The following NCALD variants were observed in gnomAD, a reference collection of about 807,000 sequenced individuals.
NCALD encodes the protein neurocalcin delta, also known as neurocalcin-delta.
Under a neutral mutation model 18.6 loss-of-function variants are expected in NCALD, and 10 were observed. That is an observed-to-expected ratio of 0.54 (90% CI 0.33 to 0.91). The LOEUF is 0.91. Ranked by LOEUF, NCALD falls within the 40% of genes least tolerant of loss-of-function variation. The pLI is 0.03. For synonymous variants in NCALD, 88 were observed against 87.4 expected (o/e 1.01, Z -0.04); for missense variants, 184 against 247.6 (o/e 0.74, Z 1.72).
intron 2 of NCALD, among the ~76,000 whole-genome samples, chr8:101,922,883 T>G (rs1818215041): frequency 6.6e-6 from 1 of 152,210 alleles, no homozygotes; most frequent in African/African-American, 2.4e-5. Flanking sequence ...AGAATAACTG[T>G]AACACTATAC....
intron 1 of NCALD, among the ~76,000 whole-genome samples, chr8:102,050,194 A>AAAAAAAT (rs1207268297): frequency 8.0e-6 from 1 of 125,526 alleles, no homozygotes; most frequent in Non-Finnish European, 1.8e-5. Flanking sequence ...AAAAAAAAAA[A>AAAAAAAT]ATTGAGCTGT....
intron 1 of NCALD, among the ~76,000 whole-genome samples, chr8:102,039,840 G>A (rs115407429): frequency 9.2e-5 from 14 of 152,052 alleles, no homozygotes; most frequent in African/African-American, 1.2e-4. Context: ...CAGTTCCCAC[G>A]TGACCTGGCA....
intron 4 of NCALD, among the ~76,000 whole-genome samples, chr8:101,804,574 A>T (rs1433014218): frequency 8.2e-6 from 1 of 121,896 alleles, no homozygotes; most frequent in Non-Finnish European, 1.6e-5. Context: ...TATAATTAAT[A>T]TAATTAATTA....
At chr8:102,008,204 G>A (rs2387330) in intron 2 of NCALD, among the ~76,000 whole-genome samples, 94,789 of 151,862 alleles carry the variant, frequency 0.62, 30,967 homozygotes, top group African/African-American at 0.81. Flanking sequence ...TAAATAAGAG[G>A]ACCTCCACCT....
chr8:101,773,790 T>C (rs1284257598), intron 1 of NCALD, among the ~76,000 whole-genome samples: 1 of 152,108 alleles, frequency 6.6e-6, no homozygotes, highest in Non-Finnish European at 1.5e-5. Context: ...CCTATGTACC[T>C]CCCATTGAGG....
At chr8:101,785,708 A>C (rs1812197802) in intron 1 of NCALD, 1 of 152,202 alleles carries the variant, frequency 6.6e-6, no homozygotes, top group Non-Finnish European at 1.5e-5. Context: ...CTTTCATAAA[A>C]TACAATGGTT....
chr8:101,781,679 A>G (rs1229415955), intron 1 of NCALD, among the ~76,000 whole-genome samples: 1 of 152,226 alleles, frequency 6.6e-6, no homozygotes, highest in Non-Finnish European at 1.5e-5. Context: ...CCTTAGGGAC[A>G]GTACTAATCT....
At chr8:101,692,407 C>G (rs775328062) in intron 3 of NCALD, 2 of 985,246 alleles carry the variant, frequency 2.0e-6, no homozygotes, top group Non-Finnish European at 2.4e-6. Flanking sequence ...GGTAGGATCA[C>G]AGAATAACAA....
chr8:101,734,177 T>C (rs1816971827), intron 1 of NCALD, among the ~76,000 whole-genome samples: 1 of 152,182 alleles, frequency 6.6e-6, no homozygotes, highest in Admixed American at 6.5e-5. Flanking sequence ...AGATCTGTTC[T>C]TCACTCGGCA....
intron 1 of NCALD, among the ~76,000 whole-genome samples, chr8:101,757,321 T>C (rs79608412): frequency 6.6e-6 from 1 of 152,226 alleles, no homozygotes. Flanking sequence ...CAAGGTGCTA[T>C]GGCAAGCCAT....
At chr8:102,066,382 T>A (rs1039161825) in intron 1 of NCALD, among the ~76,000 whole-genome samples, 2 of 152,216 alleles carry the variant, frequency 1.3e-5, no homozygotes, top group African/African-American at 4.8e-5. Context: ...TCTAATACCA[T>A]CTAGCAGTTA....
intron 2 of NCALD, among the ~76,000 whole-genome samples, chr8:101,700,188 G>A (rs988168387): frequency 6.6e-6 from 1 of 151,962 alleles, no homozygotes; most frequent in South Asian, 2.1e-4. Context: ...AGCCTCCTGA[G>A]TTGCTGGGAC....
intron 2 of NCALD, among the ~76,000 whole-genome samples, chr8:101,713,178 G>A (rs192092627): frequency 6.6e-6 from 1 of 152,252 alleles, no homozygotes; most frequent in East Asian, 1.9e-4. Flanking sequence ...TGAATGACTA[G>A]TGGGTAAATA....
chr8:102,073,323 C>T (rs920685124), intron 1 of NCALD, among the ~76,000 whole-genome samples: 1 of 151,894 alleles, frequency 6.6e-6, no homozygotes, highest in East Asian at 1.9e-4. Context: ...TAAAATATCA[C>T]CCTTTTATAA....
At chr8:101,982,454 C>A (rs181767816) in intron 2 of NCALD, among the ~76,000 whole-genome samples, 3 of 152,306 alleles carry the variant, frequency 2.0e-5, no homozygotes, top group African/African-American at 7.2e-5. Flanking sequence ...ATACTATGAA[C>A]CTACCTTGTA....
At chr8:101,920,863 C>A (rs1818139532) in intron 2 of NCALD, among the ~76,000 whole-genome samples, 1 of 152,174 alleles carries the variant, frequency 6.6e-6, no homozygotes, top group South Asian at 2.1e-4. Flanking sequence ...GCACATATAC[C>A]CACTGAATCT....
intron 2 of NCALD, among the ~76,000 whole-genome samples, chr8:101,982,480 T>C (rs1015558623): frequency 6.6e-6 from 1 of 152,202 alleles, no homozygotes; most frequent in Admixed American, 6.5e-5. Context: ...AAAGCCACTG[T>C]GCAAGAAGTT....
chr8:102,013,605 TTCTCTGGCTAC>T (rs1173458542), intron 2 of NCALD, among the ~76,000 whole-genome samples: 1 of 152,176 alleles, frequency 6.6e-6, no homozygotes, highest in Non-Finnish European at 1.5e-5. Context: ...CCTCGTGCCC[TTCTCTGGCTAC>T]CTGCTTGGAA....
chr8:101,825,298 C>T (rs186886716), intron 4 of NCALD, among the ~76,000 whole-genome samples: 2 of 152,352 alleles, frequency 1.3e-5, no homozygotes, highest in Admixed American at 6.5e-5. Context: ...TGAGGAAGAG[C>T]TCATTGTCTG....
Sources: gnomAD v4.1 joint callset for allele counts (sites outside exome capture counted in the v4.1 genomes callset) on GRCh38, gnomAD v4.1.1 for gene constraint, MANE v1.5 for transcripts, NCBI Gene and HGNC (gene_info 2026-07-23, HGNC 2026-07-21) for gene names.